LDLRAD3: variants seen among roughly 807,000 people sequenced by gnomAD.
LDLRAD3 encodes low-density lipoprotein receptor class A domain-containing protein 3.
LDLRAD3 carries 20 observed loss-of-function variants against 29.4 expected under a neutral mutation model. The ratio of observed to expected loss-of-function variants is 0.68; its 90% CI spans 0.48 to 0.99. The LOEUF (loss-of-function observed/expected upper bound fraction) is 0.99, where lower values mean the gene tolerates loss of function less well. Among genes scored for constraint, LDLRAD3 ranks in the 50% least tolerant of loss-of-function variants. The pLI, the probability that LDLRAD3 is intolerant of heterozygous loss-of-function variation, is 0.00. For missense variants in LDLRAD3, 420 were observed against 454.3 expected (o/e 0.92, Z 0.69); for synonymous variants, 157 against 192.7 (o/e 0.81, Z 1.53).
chr11:36,168,947 A>G (rs1235826807), intron 4 of LDLRAD3, among the ~76,000 whole-genome samples: 1 of 152,212 alleles, frequency 6.6e-6, no homozygotes, highest in Non-Finnish European at 1.5e-5. Context: ...CACGTTTAAA[A>G]GAGTTTCACA....
chr11:36,058,088 A>C (rs1444701489), intron 2 of LDLRAD3, among the ~76,000 whole-genome samples: 1 of 152,224 alleles, frequency 6.6e-6, no homozygotes, highest in African/African-American at 2.4e-5. Context: ...TAATAACAAC[A>C]ACCCTCCAGT....
At chr11:36,052,901 G>A (rs1852548702) in intron 2 of LDLRAD3, among the ~76,000 whole-genome samples, 1 of 151,790 alleles carries the variant, frequency 6.6e-6, no homozygotes, top group Non-Finnish European at 1.5e-5. Flanking sequence ...TGTGTGAAGG[G>A]TCTAGCATAT....
intron 4 of LDLRAD3, among the ~76,000 whole-genome samples, chr11:36,134,817 A>T (rs1590296224): frequency 6.6e-6 from 1 of 152,204 alleles, no homozygotes; most frequent in Non-Finnish European, 1.5e-5. Flanking sequence ...CAGCAGGAAG[A>T]ATAGCTCAGA....
At chr11:35,953,018 C>T (rs1271986301) in intron 1 of LDLRAD3, among the ~76,000 whole-genome samples, 2 of 152,142 alleles carry the variant, frequency 1.3e-5, no homozygotes, top group Non-Finnish European at 2.9e-5. Context: ...GAAAGTAATG[C>T]CACAGGCCTG....
chr11:36,088,668 T>C (rs1241917036), intron 3 of LDLRAD3, among the ~76,000 whole-genome samples: 1 of 152,212 alleles, frequency 6.6e-6, no homozygotes, highest in Non-Finnish European at 1.5e-5. Context: ...CAGAAAGCTG[T>C]GTCTTTTATT....
intron 2 of LDLRAD3, among the ~76,000 whole-genome samples, chr11:36,038,458 G>C (rs978762026): frequency 1.3e-5 from 2 of 152,254 alleles, no homozygotes; most frequent in South Asian, 4.1e-4. Context: ...GGGAATGTTT[G>C]GCACATGATC....
chr11:36,160,508 T>C (rs889953786), intron 4 of LDLRAD3, among the ~76,000 whole-genome samples: 1 of 152,162 alleles, frequency 6.6e-6, no homozygotes, highest in South Asian at 2.1e-4. Context: ...AAATAAAATA[T>C]GGTTCCTGGG....
intron 4 of LDLRAD3, among the ~76,000 whole-genome samples, chr11:36,113,082 A>G (rs1332432205): frequency 6.6e-6 from 1 of 152,224 alleles, no homozygotes; most frequent in Non-Finnish European, 1.5e-5. Context: ...ATATGTGCAC[A>G]TCTTTTGAGG....
chr11:36,215,650 A>G (rs1246597696), intron 4 of LDLRAD3, among the ~76,000 whole-genome samples: 1 of 152,182 alleles, frequency 6.6e-6, no homozygotes, highest in Non-Finnish European at 1.5e-5. Context: ...CTGCCCTCCA[A>G]GATGCTGGAG....
intron 1 of LDLRAD3, among the ~76,000 whole-genome samples, chr11:35,980,545 T>C (rs1851528083): frequency 6.6e-6 from 1 of 152,222 alleles, no homozygotes; most frequent in South Asian, 2.1e-4. Context: ...AGAAATATTA[T>C]TTTATTAATG....
intron 2 of LDLRAD3, among the ~76,000 whole-genome samples, chr11:36,058,359 G>T (rs1301171860): frequency 2.0e-5 from 3 of 152,134 alleles, no homozygotes; most frequent in African/African-American, 7.2e-5. Flanking sequence ...AGTCTTGGGG[G>T]TTTTTCTGAA....
intron 1 of LDLRAD3, among the ~76,000 whole-genome samples, chr11:35,989,544 C>G (rs940677310): frequency 6.6e-6 from 1 of 152,142 alleles, no homozygotes; most frequent in African/African-American, 2.4e-5. Context: ...TCTATGATAT[C>G]TTTCAGCAGT....
At chr11:36,046,893 A>G (rs1852458018) in intron 2 of LDLRAD3, among the ~76,000 whole-genome samples, 1 of 152,220 alleles carries the variant, frequency 6.6e-6, no homozygotes, top group Non-Finnish European at 1.5e-5. Context: ...ATGAGAAAAT[A>G]AATAAATATA....
intron 1 of LDLRAD3, among the ~76,000 whole-genome samples, chr11:35,974,936 C>T (rs1851457815): frequency 6.6e-6 from 1 of 152,196 alleles, no homozygotes; most frequent in Non-Finnish European, 1.5e-5. Flanking sequence ...TATATACCTG[C>T]TTCTGTGACC....
chr11:36,033,693 T>G (rs2133208047), intron 1 of LDLRAD3, among the ~76,000 whole-genome samples: 1 of 151,870 alleles, frequency 6.6e-6, no homozygotes, highest in East Asian at 1.9e-4. Flanking sequence ...AATGTGGGGG[T>G]TTTCTGGGTT....
At chr11:36,075,089 A>G (rs1852975018) in intron 2 of LDLRAD3, among the ~76,000 whole-genome samples, 1 of 152,032 alleles carries the variant, frequency 6.6e-6, no homozygotes, top group African/African-American at 2.4e-5. Context: ...TTTCTGCTGG[A>G]AGTCTGGAAA....
intron 4 of LDLRAD3, among the ~76,000 whole-genome samples, chr11:36,144,905 G>C (rs1324136408): frequency 9.4e-6 from 1 of 106,690 alleles, no homozygotes; most frequent in African/African-American, 3.5e-5. Flanking sequence ...GGTGAGGGGC[G>C]CCTCTACCCG....
At chr11:35,991,871 G>A (rs1026713206) in intron 1 of LDLRAD3, among the ~76,000 whole-genome samples, 1 of 148,214 alleles carries the variant, frequency 6.7e-6, no homozygotes, top group African/African-American at 2.5e-5. Flanking sequence ...GGTTGTTTGT[G>A]TGTGTGTGTG....
Position 36,183,803 on chromosome 11 carries a change from C to T in LDLRAD3, c.455-43282C>T, listed in dbSNP as rs112989018. ...TCTCTTTTTGTGTCTCTTTCTGCTG[C>T]GTTCTGAATAATTCTTCTTGAGCTA... is the stretch of plus-strand genomic sequence containing the variant. On this transcript the variant is annotated intron_variant, in intron 4 of 5. Coordinates refer to ENST00000315571, the MANE Select transcript of LDLRAD3 (RefSeq NM_174902.4). 3.1e-4 allele frequency among the ~76,000 whole-genome samples: 47 copies of T among 152,224 alleles called. 1 individual carries two copies. The highest frequency in any genetic ancestry group is 1.0e-3 in the African/African-American group (43 of 41,514).
Sources: gnomAD v4.1 joint callset for allele counts (sites outside exome capture counted in the v4.1 genomes callset) on GRCh38, gnomAD v4.1.1 for gene constraint, MANE v1.5 for transcripts, NCBI Gene and HGNC (gene_info 2026-07-23, HGNC 2026-07-21) for gene names.